Variants in SFMBT2 observed in about 807,000 individuals in gnomAD.
SFMBT2 encodes Scm like with four mbt domains 2.
In SFMBT2, 38 loss-of-function variants were observed where a neutral mutation model predicts 110.1. That is an observed-to-expected ratio of 0.35 (90% CI 0.27 to 0.45). The LOEUF is 0.45. Ranked by LOEUF, SFMBT2 falls within the 20% of genes least tolerant of loss-of-function variation. The pLI is 1.00. For synonymous variants in SFMBT2, 425 were observed against 425.4 expected (o/e 1.00, Z 0.01); for missense variants, 1,011 against 1,094.9 (o/e 0.92, Z 1.08).
At chr10:7,190,238 G>A (rs1280419917) in intron 15 of SFMBT2, among the ~76,000 whole-genome samples, 1 of 152,032 alleles carries the variant, frequency 6.6e-6, no homozygotes, top group Non-Finnish European at 1.5e-5. Flanking sequence ...TGATTTTATT[G>A]TTTACTGTCA....
At chr10:7,261,399 G>C (rs186430061) in intron 7 of SFMBT2, among the ~76,000 whole-genome samples, 88 of 133,634 alleles carry the variant, frequency 6.6e-4, no homozygotes, top group African/African-American at 2.1e-3. Context: ...GCCATGCCTT[G>C]GCTCCCTGTC....
chr10:7,244,947 C>T (rs536664666), intron 8 of SFMBT2, among the ~76,000 whole-genome samples: 17 of 152,254 alleles, frequency 1.1e-4, no homozygotes, highest in African/African-American at 4.1e-4. Context: ...ATCTCATCCT[C>T]CCACCACCTG....
intron 13 of SFMBT2, 140 bp from the exon 14 acceptor site, chr10:7,200,624 A>G: frequency 3.4e-6 from 2 of 583,248 alleles, no homozygotes; most frequent in Non-Finnish European, 5.5e-6. Flanking sequence ...TGTGTATGGG[A>G]GCAATGCCAG....
In SFMBT2 at chr10:7,346,340, C is replaced by T. The variant is rs372990351; in HGVS notation, c.436+21309G>A. ...CTGTGTCTTGGTGATTGCTTGCATT[C>T]ATCTTAAACAGTAAAAACCAGATTG... On this transcript the variant is annotated intron_variant, in intron 4 of 20. Transcript: ENST00000397167. 1.1e-4 allele frequency among the ~76,000 whole-genome samples: 17 copies of T among 152,286 alleles called. No homozygotes were observed. The South Asian group carries it at 1.2e-3, about 11-fold the overall frequency.
intron 11 of SFMBT2, chr10:7,219,586 G>T (rs1401840260): frequency 5.0e-6 from 1 of 201,958 alleles, no homozygotes; most frequent in Non-Finnish European, 8.8e-6. Flanking sequence ...TCCAATCATG[G>T]TATTGAGTAA....
intron 20 of SFMBT2, chr10:7,164,500 T>A (rs1837641448): frequency 3.1e-6 from 3 of 958,756 alleles, no homozygotes; most frequent in Non-Finnish European, 3.7e-6. Context: ...ACAGGTGGGT[T>A]GCTGCGGGAA....
intron 1 of SFMBT2, among the ~76,000 whole-genome samples, chr10:7,384,211 C>CT (rs1845514394): frequency 3.6e-5 from 1 of 27,976 alleles, no homozygotes; most frequent in Admixed American, 7.6e-4. Context: ...AACTCCATCT[C>CT]AAAAAAAAAA....
chr10:7,319,744 G>GACAGAGAGAGAGAGAGACAGAGAGAGAC (rs1843115819), intron 4 of SFMBT2, among the ~76,000 whole-genome samples: 1 of 117,710 alleles, frequency 8.5e-6, no homozygotes, highest in Non-Finnish European at 1.7e-5. Context: ...AAGATAGAGA[G>GACAGAGAGAGAGAGAGACAGAGAGAGAC]ACAGAGAGAG....
At chr10:7,168,625 C>G (rs1213221012) in intron 20 of SFMBT2, among the ~76,000 whole-genome samples, 1 of 152,262 alleles carries the variant, frequency 6.6e-6, no homozygotes, top group East Asian at 1.9e-4. Flanking sequence ...CAACGCTTAT[C>G]TCGCCGCAGC....
chr10:7,174,575 C>T (rs933400968), intron 17 of SFMBT2, among the ~76,000 whole-genome samples: 5 of 152,196 alleles, frequency 3.3e-5, no homozygotes, highest in South Asian at 2.1e-4. Flanking sequence ...ATATGAGATC[C>T]GGAGACATCT....
At chr10:7,193,657 T>C (rs1838675570) in intron 15 of SFMBT2, among the ~76,000 whole-genome samples, 1 of 152,208 alleles carries the variant, frequency 6.6e-6, no homozygotes, top group Non-Finnish European at 1.5e-5. Context: ...CCGCTCCCCG[T>C]TGGCCTCTTG....
chr10:7,313,554 G>A (rs978332284), intron 4 of SFMBT2, among the ~76,000 whole-genome samples: 15 of 152,234 alleles, frequency 9.9e-5, no homozygotes, highest in African/African-American at 3.4e-4. Context: ...CTGGGTTCAA[G>A]TGATCTGGCC....
chr10:7,195,424 C>G (rs1838737184), intron 15 of SFMBT2, among the ~76,000 whole-genome samples: 1 of 152,180 alleles, frequency 6.6e-6, no homozygotes, highest in South Asian at 2.1e-4. Flanking sequence ...CTACTTGCCA[C>G]TTAGGCTTAG....
intron 4 of SFMBT2, among the ~76,000 whole-genome samples, chr10:7,310,669 T>C (rs1053743221): frequency 6.6e-6 from 1 of 152,212 alleles, no homozygotes; most frequent in African/African-American, 2.4e-5. Flanking sequence ...AAGGCTCATA[T>C]GAAGTTGCTG....
chr10:7,214,830 C>G (rs763176025), intron 11 of SFMBT2: 4 of 875,748 alleles, frequency 4.6e-6, no homozygotes, highest in Non-Finnish European at 5.5e-6. Context: ...ACTGCAGATT[C>G]CATGCCTGTT....
intron 13 of SFMBT2, among the ~76,000 whole-genome samples, chr10:7,201,717 T>G (rs1564380170): frequency 6.6e-6 from 1 of 152,232 alleles, no homozygotes; most frequent in South Asian, 2.1e-4. Context: ...TGGCGTATTT[T>G]AAATTATTTT....
chr10:7,176,015 G>A lies in SFMBT2; in HGVS notation c.1959C>T (p.Cys653=), dbSNP rs1262630032. 8 of 1,614,036 alleles carry A rather than the reference G, an allele frequency of 5.0e-6. No homozygotes were observed. The highest frequency in any genetic ancestry group is 1.7e-5 in the Admixed American group (1 of 59,998). ...VLISENCPEN[C]SIHTKTKYTY... is the part of the protein sequence containing the mutation. Reference sequence around the variant, plus strand: ...TGTATTTGGTTTTGGTATGAATGGAGCAGTTCTCTGGGCAGTTTTCAGATA... The same window carrying A: ...TGTATTTGGTTTTGGTATGAATGGAACAGTTCTCTGGGCAGTTTTCAGATA... Residue 653 remains cysteine (C), a synonymous_variant, in exon 17 of 21, where the codon TGC becomes TGT. Coordinates refer to ENST00000397167, the MANE Select transcript of SFMBT2 (RefSeq NM_001387889.1).
intron 4 of SFMBT2, among the ~76,000 whole-genome samples, chr10:7,314,762 G>C (rs2131911794): frequency 6.6e-6 from 1 of 152,094 alleles, no homozygotes; most frequent in African/African-American, 2.4e-5. Flanking sequence ...ACAAAAATTA[G>C]CTGGGCATGG....
chr10:7,164,253 G>T (rs1430459221), intron 20 of SFMBT2: 3 of 613,484 alleles, frequency 4.9e-6, no homozygotes, highest in Non-Finnish European at 6.1e-6. Context: ...TGGGCATGGT[G>T]GTGCAAACCT....
Sources: gnomAD v4.1 joint callset for allele counts (sites outside exome capture counted in the v4.1 genomes callset) on GRCh38, gnomAD v4.1.1 for gene constraint, MANE v1.5 for transcripts, NCBI Gene and HGNC (gene_info 2026-07-23, HGNC 2026-07-21) for gene names.